The following LRP12 variants were observed in gnomAD, a reference collection of about 807,000 sequenced individuals.
LRP12 encodes the protein LDL receptor related protein 12, also known as low-density lipoprotein receptor-related protein 12.
A neutral mutation model predicts 66.0 loss-of-function variants in LRP12; 14 were observed. The ratio of observed to expected loss-of-function variants is 0.21; its 90% CI spans 0.14 to 0.33. The LOEUF (loss-of-function observed/expected upper bound fraction) is 0.33. LRP12 is among the 10% of genes least tolerant of loss of function. The pLI is 1.00. For synonymous variants in LRP12, 357 were observed against 359.1 expected (o/e 0.99, Z 0.07); for missense variants, 889 against 1,053.4 (o/e 0.84, Z 2.16).
rs117822765 is a variant in LRP12 at position 104,555,288 on chromosome 8, A to G, written c.80-23325T>C. Among the ~76,000 whole-genome samples the G allele has an allele frequency of 6.0e-3, 915 of 152,324 alleles. 9 individuals carry two copies. The highest frequency in any genetic ancestry group is 0.012 in the Admixed American group (191 of 15,308). On this transcript the variant is annotated intron_variant, in intron 1 of 6. Transcript: ENST00000276654. Reference sequence around the variant, plus strand: ...CAAACAAGGTATTCAGGCAACAAATAGCATGATGAAAAGAATAGTACCTCG... The same window carrying G: ...CAAACAAGGTATTCAGGCAACAAATGGCATGATGAAAAGAATAGTACCTCG...
intron 4 of LRP12, 117 bp downstream of exon 4, chr8:104,499,200 C>A: frequency 1.4e-6 from 1 of 726,406 alleles, no homozygotes; most frequent in Non-Finnish European, 2.2e-6. Flanking sequence ...TCAATCTCAG[C>A]TGCCTCAAGG....
At chr8:104,575,477 C>A (rs773099547) in intron 1 of LRP12, among the ~76,000 whole-genome samples, 3 of 152,174 alleles carry the variant, frequency 2.0e-5, no homozygotes, top group Non-Finnish European at 4.4e-5. Context: ...ATACAAGTCC[C>A]CCAGAGTTAA....
chr8:104,580,241 G>A (rs1444204298), intron 1 of LRP12, among the ~76,000 whole-genome samples: 1 of 152,050 alleles, frequency 6.6e-6, no homozygotes, highest in Non-Finnish European at 1.5e-5. Flanking sequence ...TCTAGGCTGG[G>A]TGCGGTGGCT....
At chr8:104,510,393 G>A (rs1370477648) in intron 2 of LRP12, among the ~76,000 whole-genome samples, 6 of 152,160 alleles carry the variant, frequency 3.9e-5, no homozygotes, top group Non-Finnish European at 8.8e-5. Flanking sequence ...ATATCACCAT[G>A]TGATTAGACA....
At chr8:104,569,895 T>A (rs1812053222) in intron 1 of LRP12, among the ~76,000 whole-genome samples, 1 of 152,092 alleles carries the variant, frequency 6.6e-6, no homozygotes, top group Non-Finnish European at 1.5e-5. Context: ...GAAGACATAA[T>A]TATGCAGAAA....
rs1455455886 is a variant in LRP12, at chr8:104,490,658, T to G, written c.*15A>C. ...TGCTCCAACTTGTATACAATCTCCC[T>G]TATGTGATTCGTACCTAACAAAGTA... On this transcript the variant is annotated 3_prime_UTR_variant, in exon 7 of 7. Coordinates refer to ENST00000276654, the MANE Select transcript of LRP12 (RefSeq NM_013437.5). 6.3e-7 allele frequency: 1 copy of G among 1,592,346 alleles called. No individual in the cohort carries two copies. The highest frequency in any genetic ancestry group is 1.3e-5 in the African/African-American group (1 of 74,104).
At chr8:104,531,653 C>T (rs2140862475) in intron 2 of LRP12, among the ~76,000 whole-genome samples, 1 of 152,196 alleles carries the variant, frequency 6.6e-6, no homozygotes, top group Middle Eastern at 3.4e-3. Flanking sequence ...TAACTTTTCT[C>T]TAGGTTCAAT....
At chr8:104,527,177 AAAC>A (rs1177006404) in intron 2 of LRP12, among the ~76,000 whole-genome samples, 1 of 147,568 alleles carries the variant, frequency 6.8e-6, no homozygotes, top group Non-Finnish European at 1.5e-5. Context: ...AAAAGTCAGG[AAAC>A]AACAGGTGCT....
intron 1 of LRP12, among the ~76,000 whole-genome samples, chr8:104,568,744 T>C (rs1812039455): frequency 6.6e-6 from 1 of 151,976 alleles, no homozygotes; most frequent in Admixed American, 6.5e-5. Context: ...TTCACACCAA[T>C]TAAAACAGCT....
At chr8:104,573,554 T>G in intron 1 of LRP12, among the ~76,000 whole-genome samples, 1 of 152,132 alleles carries the variant, frequency 6.6e-6, no homozygotes, top group Non-Finnish European at 1.5e-5. Flanking sequence ...AAATAAAGTC[T>G]AAACATACTA....
chr8:104,548,229 TTTATATTAATATACGATATATA>T lies in LRP12; in HGVS notation c.80-16288_80-16267del, dbSNP rs1564141926. On this transcript the variant is annotated intron_variant, in intron 1 of 6. Coordinates refer to ENST00000276654, the MANE Select transcript of LRP12 (RefSeq NM_013437.5). ...TATATTTATATTAATATATGATATA[TTTATATTAATATACGATATATA>T]TTATATTAATATATGATATATATTA... 5.0e-3 allele frequency among the ~76,000 whole-genome samples: 514 copies of T among 102,234 alleles called. 14 individuals are homozygous for T. The highest frequency in any genetic ancestry group is 0.021 in the African/African-American group (467 of 22,364). 67.1% of individuals were successfully genotyped at this position (102,234 alleles called of 152,430 possible). A position where few individuals can be genotyped will look rare whatever the true frequency, so the allele number is the denominator to read the frequency against.
chr8:104,508,895 T>C (rs1427231639), intron 3 of LRP12, 44 bp downstream of exon 3: 1 of 1,506,298 alleles, frequency 6.6e-7, no homozygotes, highest in Admixed American at 2.0e-5. Context: ...ATGGAATTTA[T>C]GTTTTGTAAT....
intron 3 of LRP12, chr8:104,508,410 T>C (rs1283392322): frequency 6.6e-6 from 1 of 152,240 alleles, no homozygotes; most frequent in Non-Finnish European, 1.5e-5. Flanking sequence ...ATTTGTATTC[T>C]TAACAAATGT....
intron 1 of LRP12, among the ~76,000 whole-genome samples, chr8:104,586,676 T>C (rs1812338056): frequency 6.6e-6 from 1 of 152,204 alleles, no homozygotes; most frequent in South Asian, 2.1e-4. Context: ...CCCCATACTA[T>C]TGTTACAGCC....
At chr8:104,584,122 T>A (rs1283952725) in intron 1 of LRP12, among the ~76,000 whole-genome samples, 1 of 151,846 alleles carries the variant, frequency 6.6e-6, no homozygotes, top group Non-Finnish European at 1.5e-5. Flanking sequence ...ATTACTTAAC[T>A]CTCTCAAAAA....
rs921059574 is a variant in LRP12 at position 104,535,686 on chromosome 8, A to AT, written c.80-3724dup. 3.0e-4 allele frequency among the ~76,000 whole-genome samples: 45 copies of AT among 151,616 alleles called. 2 individuals are homozygous for AT. In the South Asian group the frequency reaches 8.3e-3, roughly 28 times the overall value. ...AACCAAAGCTTCTAGTAGTTTGGTAATTTTTTTTTCCAAAGAGCTAGTAAC... is the reference window on the plus strand; with the variant it reads ...AACCAAAGCTTCTAGTAGTTTGGTAATTTTTTTTTTCCAAAGAGCTAGTAAC... On this transcript the variant is annotated intron_variant, in intron 1 of 6. Coordinates refer to ENST00000276654, the MANE Select transcript of LRP12 (RefSeq NM_013437.5).
In LRP12 at chr8:104,559,644, T is replaced by C. The variant is rs895054204; in HGVS notation, c.80-27681A>G. ...CTTTTTTAATTAAAAAAAAATAGTT[T>C]AGAGAGAAAGGACCTCTTAACAATA... On this transcript the variant is annotated intron_variant, in intron 1 of 6. Coordinates refer to ENST00000276654, the MANE Select transcript of LRP12 (RefSeq NM_013437.5). Among the ~76,000 whole-genome samples the C allele has an allele frequency of 5.9e-5, 9 of 152,014 alleles. No homozygotes were observed. The East Asian group carries it at 7.7e-4, about 13-fold the overall frequency.
chr8:104,568,476 G>A (rs933868206), intron 1 of LRP12, among the ~76,000 whole-genome samples: 1 of 152,036 alleles, frequency 6.6e-6, no homozygotes, highest in Non-Finnish European at 1.5e-5. Context: ...CATTAAGAAA[G>A]TAAAAGAACA....
chr8:104,528,595 T>C (rs769776110), intron 2 of LRP12, among the ~76,000 whole-genome samples: 4 of 151,862 alleles, frequency 2.6e-5, no homozygotes, highest in Non-Finnish European at 5.9e-5. Context: ...GCCAACATAG[T>C]GAAACCACGT....
Sources: allele counts gnomAD v4.1 joint callset (sites outside exome capture counted in the v4.1 genomes callset), GRCh38; gene constraint gnomAD v4.1.1; transcripts MANE v1.5; gene names NCBI Gene and HGNC (gene_info 2026-07-23, HGNC 2026-07-21).